Variants in UACA observed in about 807,000 individuals in gnomAD.
UACA encodes uveal autoantigen with coiled-coil domains and ankyrin repeats, also known as nuclear membrane binding protein.
UACA carries 112 observed loss-of-function variants against 160.5 expected under a neutral mutation model. The observed-to-expected ratio is 0.70, with a 90% CI of 0.60 to 0.82. UACA has a LOEUF of 0.82. UACA is among the 40% of genes least tolerant of loss of function. UACA has a pLI of 0.00. For synonymous variants in UACA, 557 were observed against 568.4 expected, an observed-to-expected ratio of 0.98 and a Z score of 0.29; for missense variants, 1,574 against 1,614.6, an observed-to-expected ratio of 0.97 and a Z score of 0.43.
intron 1 of UACA, among the ~76,000 whole-genome samples, chr15:70,706,476 A>T (rs937868134): frequency 6.6e-6 from 1 of 150,730 alleles, no homozygotes; most frequent in Non-Finnish European, 1.5e-5. Flanking sequence ...GAAAGGAAGA[A>T]GTTGAAATCA....
intron 13 of UACA, among the ~76,000 whole-genome samples, chr15:70,674,151 A>G (rs1897231386): frequency 6.6e-6 from 1 of 152,130 alleles, no homozygotes; most frequent in South Asian, 2.1e-4. Context: ...CTGAGACACC[A>G]CACCCAGGCA....
At chr15:70,777,294 T>G in the UACA span, among the ~76,000 whole-genome samples, 35 of 152,236 alleles carry the variant, frequency 2.3e-4, no homozygotes, top group South Asian at 7.3e-3. Context: ...TATTATGAGA[T>G]GTCTATTACA....
At chr15:70,763,272 A>G in intron 1 of UACA, 58 bp downstream of exon 1, 1 of 1,297,112 alleles carries the variant, frequency 7.7e-7, no homozygotes, top group Non-Finnish European at 9.9e-7. Context: ...TCGCCAGCAA[A>G]GGAGGGCTGC....
intron 11 of UACA, 67 bp from the exon 12 acceptor site, chr15:70,677,207 C>A: frequency 1.6e-6 from 2 of 1,232,800 alleles, no homozygotes; most frequent in Non-Finnish European, 2.3e-6. Flanking sequence ...ATGAACTTGG[C>A]AAAGATATTT....
At position 70,668,337 on chromosome 15, in the gene UACA, C is replaced by T. The variant is rs1251895617; in HGVS notation, c.2347G>A (p.Glu783Lys). The stretch of plus-strand genomic sequence containing the variant: ...CTGTCATTTTCCAGTAGCAATTTCT[C>T]CATTTCCAACTTCTTTTCTGTATAT... ...QKYTEKKLEM[E>K]KLLLENDSLS... is the part of the protein sequence containing the mutation. The change falls in exon 16 of 19, where the codon GAG becomes AAG. Residue 783 changes from glutamate (E) to lysine (K), a missense_variant. Glu to Lys is a moderately conservative substitution (Grantham distance 56). Transcript: ENST00000322954. The T allele has an allele frequency of 6.2e-7, 1 of 1,610,122 alleles. No homozygotes were observed. The highest frequency in any genetic ancestry group is 1.1e-5 in the South Asian group (1 of 89,696).
chr15:70,686,555 ATATGTATACATGCATCATGCTGG>A (rs893945236), intron 7 of UACA, among the ~76,000 whole-genome samples: 34 of 146,368 alleles, frequency 2.3e-4, no homozygotes, highest in African/African-American at 8.6e-4. Context: ...GGTTAGTTAC[ATATGTATACATGCATCATGCTGG>A]TGTGCTGCAC....
chr15:70,712,624 T>G (rs1277919595), intron 1 of UACA, among the ~76,000 whole-genome samples: 5 of 152,200 alleles, frequency 3.3e-5, no homozygotes, highest in Admixed American at 2.0e-4. Flanking sequence ...CTCACTTGCC[T>G]CCTTATATCA....
At chr15:70,677,013 G>T in intron 12 of UACA, 95 bp downstream of exon 12, 1 of 901,322 alleles carries the variant, frequency 1.1e-6, no homozygotes, top group South Asian at 1.7e-5. Context: ...ATAGAATCCT[G>T]GTCTCTATCT....
intron 1 of UACA, among the ~76,000 whole-genome samples, chr15:70,728,039 G>A (rs1016924897): frequency 7.2e-5 from 11 of 152,088 alleles, no homozygotes; most frequent in African/African-American, 2.4e-4. Flanking sequence ...ACAGACTAAT[G>A]GGGAACAGAA....
At chr15:70,699,450 C>T in intron 2 of UACA, 77 bp downstream of exon 2, 1 of 1,512,654 alleles carries the variant, frequency 6.6e-7, no homozygotes, top group Admixed American at 2.0e-5. Flanking sequence ...TTGATAACTA[C>T]AATTCACAAG....
intron 1 of UACA, among the ~76,000 whole-genome samples, chr15:70,739,251 C>G (rs984462212): frequency 6.6e-6 from 1 of 152,156 alleles, no homozygotes; most frequent in African/African-American, 2.4e-5. Context: ...GTTTCTCAAT[C>G]TTGGCACTAC....
intron 13 of UACA, 36 bp from the exon 14 acceptor site, chr15:70,672,037 G>C: frequency 6.4e-7 from 1 of 1,565,766 alleles, no homozygotes; most frequent in Non-Finnish European, 8.7e-7. Context: ...TAGGGTGAAT[G>C]CTGCCTCATT....
At chr15:70,756,287 C>T (rs893493910) in intron 1 of UACA, among the ~76,000 whole-genome samples, 1 of 151,918 alleles carries the variant, frequency 6.6e-6, no homozygotes, top group African/African-American at 2.4e-5. Context: ...CTGCCTCAGC[C>T]TCCCTAGTAG....
At chr15:70,749,544 A>C (rs1240106211) in intron 1 of UACA, among the ~76,000 whole-genome samples, 3 of 151,262 alleles carry the variant, frequency 2.0e-5, no homozygotes, top group African/African-American at 7.3e-5. Context: ...AAACAAAAAC[A>C]AAAAATTAGC....
intron 5 of UACA, among the ~76,000 whole-genome samples, 159 bp downstream of exon 5, chr15:70,690,295 C>A (rs903809595): frequency 6.6e-6 from 1 of 152,008 alleles, no homozygotes; most frequent in Non-Finnish European, 1.5e-5. Flanking sequence ...TCTTTTTAAG[C>A]GGTATAATCT....
rs1566963853 is a variant in UACA at position 70,667,616 on chromosome 15, A to T, written c.3068T>A (p.Val1023Asp). The T allele has an allele frequency of 6.2e-7, 1 of 1,612,498 alleles. No homozygotes were observed. The highest frequency in any genetic ancestry group is 8.5e-7 in the Non-Finnish European group (1 of 1,179,900). Reference sequence around the variant, plus strand: ...GTCATTCTCTTGCTTGTTTTTCTTGACTTCTTCTTCACTGACACTATACTT... The same window carrying T: ...GTCATTCTCTTGCTTGTTTTTCTTGTCTTCTTCTTCACTGACACTATACTT... ...TQKYSVSEEE[V>D]KKNKQENDKL... Residue 1023 changes from valine (V) to aspartate (D), a missense_variant, in exon 16 of 19, where the codon GTC becomes GAC. Val to Asp is a radical substitution (Grantham distance 152). Transcript: ENST00000322954.
chr15:70,727,341 C>T (rs375573480), intron 1 of UACA, among the ~76,000 whole-genome samples: 1 of 152,100 alleles, frequency 6.6e-6, no homozygotes, highest in Non-Finnish European at 1.5e-5. Context: ...TAATAAACCA[C>T]AATATCCTAT....
chr15:70,701,813 A>G, intron 1 of UACA: 2 of 1,465,398 alleles, frequency 1.4e-6, no homozygotes, highest in Non-Finnish European at 1.9e-6. Context: ...TGCATTTTAA[A>G]AGAACACAGT....
intron 16 of UACA, 76 bp from the exon 17 acceptor site, chr15:70,664,890 C>G: frequency 7.4e-7 from 1 of 1,349,588 alleles, no homozygotes; most frequent in South Asian, 1.6e-5. Context: ...AGAAATCATT[C>G]CTTTTTGGAG....
Sources: allele counts gnomAD v4.1 joint callset (sites outside exome capture counted in the v4.1 genomes callset), GRCh38; gene constraint gnomAD v4.1.1; transcripts MANE v1.5; gene names NCBI Gene and HGNC (gene_info 2026-07-23, HGNC 2026-07-21).